The following LRP5 variants were observed in gnomAD, a reference collection of about 807,000 sequenced individuals.
LRP5 encodes LDL receptor related protein 5.
A neutral mutation model predicts 154.1 loss-of-function variants in LRP5; 62 were observed. That is an observed-to-expected ratio of 0.40 (90% confidence interval 0.33 to 0.50). The LOEUF is 0.50. LRP5 is among the 20% of genes least tolerant of loss of function. LRP5 has a pLI of 0.55. For synonymous variants in LRP5, 966 were observed against 1,011.5 expected (o/e 0.96, Z 0.85); for missense variants, 1,915 against 2,336.7 (o/e 0.82, Z 3.72).
At position 68,425,145 on chromosome 11, in the gene LRP5, G is replaced by A. The variant is rs1433868957; in HGVS notation, c.3280G>A (p.Glu1094Lys). 9 of 1,613,586 alleles carry A rather than the reference G, an allele frequency of 5.6e-6. No homozygotes were observed. The highest frequency in any genetic ancestry group is 1.3e-5 in the African/African-American group (1 of 74,900). Residue 1094 changes from glutamate (E) to lysine (K), a missense_variant, in exon 15 of 23, where the codon GAA becomes AAA. Glu to Lys is a moderately conservative substitution (Grantham distance 56). Transcript: ENST00000294304. ...CATGCAGGACCGGGCAGCCAAGATC[G>A]AACGCGCAGCCCTGGACGGCACCGA... ...TNMQDRAAKI[E>K]RAALDGTERE... is the part of the protein sequence containing the mutation.
rs1464009487 is a variant in LRP5, at chr11:68,425,149, G to A, written c.3284G>A (p.Arg1095His). Residue 1095 changes from arginine to histidine, a missense_variant, in exon 15 of 23, where the codon CGC becomes CAC. Around this residue, in one of 3 missense-constraint regions of LRP5, gnomAD observed 1,094 missense variants for 1,210.1 expected, o/e 0.90. Transcript: ENST00000294304. The stretch of plus-strand genomic sequence containing the variant: ...CAGGACCGGGCAGCCAAGATCGAAC[G>A]CGCAGCCCTGGACGGCACCGAGCGC... ...NMQDRAAKIE[R>H]AALDGTEREV... The A allele has an allele frequency of 3.7e-6, 6 of 1,613,792 alleles. No homozygotes were observed. Among genetic ancestry groups the A allele is most frequent in the South Asian group, 1.1e-5 (1 of 91,080 alleles).
intron 5 of LRP5, among the ~76,000 whole-genome samples, chr11:68,382,492 CTA>C (rs1320107776): frequency 6.6e-6 from 1 of 152,188 alleles, no homozygotes; most frequent in East Asian, 1.9e-4. Context: ...CAGTTCGTGG[CTA>C]TGTGTTCACG....
upstream of LRP5, among the ~76,000 whole-genome samples, chr11:68,309,258 A>T (rs1255250531): frequency 3.6e-5 from 5 of 139,464 alleles, no homozygotes; most frequent in Non-Finnish European, 7.6e-5. Context: ...TTAGAGACGG[A>T]GTCTTGCTCT....
At chr11:68,322,380 CCATTTATCTTATGCT>C (rs2098597240) in intron 1 of LRP5, among the ~76,000 whole-genome samples, 1 of 152,236 alleles carries the variant, frequency 6.6e-6, no homozygotes, top group African/African-American at 2.4e-5. Flanking sequence ...TCCCCTTTGC[CCATTTATCTTATGCT>C]CTGGCCAGAT....
chr11:68,343,070 T>C (rs1162718436), intron 1 of LRP5, among the ~76,000 whole-genome samples: 1 of 152,172 alleles, frequency 6.6e-6, no homozygotes, highest in Non-Finnish European at 1.5e-5. Context: ...ATACAGCCCA[T>C]GGGAGGCCTG....
In LRP5 at chr11:68,416,386, C is replaced by T. The variant is rs144415767; in HGVS notation, c.2886C>T (p.Asp962=). ...QKSAISRMIP[D]DQHSPDLILP... is the part of the protein sequence containing the mutation. ...CTGCCATCAGTCGGATGATCCCGGA[C>T]GACCAGCACAGCCCGGATCTCATCC... Residue 962 remains aspartate (D), a synonymous_variant, in exon 13 of 23, where the codon GAC becomes GAT. Coordinates refer to ENST00000294304, the MANE Select transcript of LRP5 (RefSeq NM_002335.4). 110 of 1,614,058 alleles carry T rather than the reference C, an allele frequency of 6.8e-5. No individual in the cohort carries two copies. Among genetic ancestry groups the T allele is most frequent in the Non-Finnish European group, 8.0e-5 (94 of 1,180,046 alleles).
chr11:68,406,192 A>G (rs1010690891), intron 8 of LRP5, among the ~76,000 whole-genome samples: 7 of 152,102 alleles, frequency 4.6e-5, no homozygotes, highest in African/African-American at 1.7e-4. Flanking sequence ...TGTTACTGAT[A>G]CCCTTGGCTG....
rs567444178 is a variant in LRP5 at position 68,401,694 on chromosome 11, A to G, written c.1585-1789A>G. On this transcript the variant is annotated intron_variant, in intron 7 of 22. Transcript: ENST00000294304. ...CCAGTCCCCTTCCCGCTCTCCTAAC[A>G]GCTTTTTTTTTTGAGACAAGATCTC... 9.4e-5 allele frequency among the ~76,000 whole-genome samples: 14 copies of G among 149,376 alleles called. No individual in the cohort carries two copies. In the East Asian group the frequency reaches 2.2e-3, roughly 23 times the overall value.
chr11:68,409,315 A>G (rs140991681), intron 9 of LRP5, among the ~76,000 whole-genome samples: 1,594 of 144,314 alleles, frequency 0.011, 13 homozygotes, highest in African/African-American at 0.027. Flanking sequence ...TTATAAGTAT[A>G]TATTTAAAAT....
chr11:68,440,912 G>A (rs2098677865), intron 21 of LRP5, among the ~76,000 whole-genome samples: 2 of 152,104 alleles, frequency 1.3e-5, no homozygotes, highest in Admixed American at 1.3e-4. Flanking sequence ...GGGATTACAG[G>A]CATGTGCCAC....
intron 1 of LRP5, among the ~76,000 whole-genome samples, chr11:68,341,805 C>G (rs2098609310): frequency 6.6e-6 from 1 of 152,316 alleles, no homozygotes; most frequent in East Asian, 1.9e-4. Context: ...CCACTTCACC[C>G]TGCACCATTT....
intron 5 of LRP5, among the ~76,000 whole-genome samples, chr11:68,385,927 T>G (rs932533959): frequency 6.6e-6 from 1 of 152,104 alleles, no homozygotes; most frequent in African/African-American, 2.4e-5. Flanking sequence ...TGCAGCCTGG[T>G]ACCCGGCGGG....
At position 68,386,773 on chromosome 11, in the gene LRP5, G is replaced by A; in HGVS notation, c.1412+61G>A. On this transcript the variant is annotated intron_variant, in intron 6 of 22. Coordinates refer to ENST00000294304, the MANE Select transcript of LRP5 (RefSeq NM_002335.4). This position sits in a 1 kb window ranked among gnomAD's most constrained non-coding sequence, Gnocchi z 7.9. The stretch of plus-strand genomic sequence containing the variant: ...CCAGGCCAAGCACAGGCGAGAGGGA[G>A]ATTGACCTGGACCTGTCATTCTGGG... The A allele has an allele frequency of 3.9e-6, 6 of 1,551,400 alleles. No individual in the cohort carries two copies. The South Asian group carries it at 5.8e-5, about 15-fold the overall frequency.
chr11:68,442,057 C>T (rs2098678482), intron 21 of LRP5, among the ~76,000 whole-genome samples: 1 of 152,232 alleles, frequency 6.6e-6, no homozygotes, highest in Admixed American at 6.5e-5. Flanking sequence ...CTATGTCCCC[C>T]CAGGGGTCAT....
chr11:68,377,008 C>T (rs940500486), intron 5 of LRP5, among the ~76,000 whole-genome samples: 9 of 152,278 alleles, frequency 5.9e-5, no homozygotes, highest in South Asian at 2.1e-4. Flanking sequence ...AGGGCTGGCG[C>T]GGTGGCTCAC....
intron 10 of LRP5, 143 bp downstream of exon 10, chr11:68,410,283 A>G: frequency 1.3e-6 from 1 of 741,820 alleles, no homozygotes; most frequent in East Asian, 2.7e-5. Flanking sequence ...GATGGTGGCC[A>G]GGACTGGTAG....
intron 1 of LRP5, among the ~76,000 whole-genome samples, chr11:68,330,891 C>T (rs1326512494): frequency 6.6e-6 from 1 of 152,212 alleles, no homozygotes; most frequent in East Asian, 1.9e-4. Context: ...GGATCTCCAC[C>T]GGTCCAGGAT....
intron 7 of LRP5, among the ~76,000 whole-genome samples, chr11:68,391,575 C>G (rs943694368): frequency 2.6e-5 from 4 of 152,170 alleles, no homozygotes; most frequent in Non-Finnish European, 5.9e-5. Context: ...TGCTTCTGAG[C>G]GGGAGGAGTC....
Position 68,365,263 on chromosome 11 carries a change from A to G in LRP5, c.884-308A>G, listed in dbSNP as rs314775. 0.68 allele frequency among the ~76,000 whole-genome samples: 72,226 copies of G among 106,578 alleles called. 19,492 individuals carry two copies. The highest frequency in any genetic ancestry group is 0.78 in the African/African-American group (29,854 of 38,190). 69.9% of individuals were successfully genotyped at this position (106,578 alleles called of 152,430 possible). On this transcript the variant is annotated intron_variant, in intron 4 of 22. Coordinates refer to ENST00000294304, the MANE Select transcript of LRP5 (RefSeq NM_002335.4). ...CTAGTCATAGGAGCTTGGTGGGAGG[A>G]AGCAGATGGGGAGATGTCACTCCAT...
Sources: allele counts gnomAD v4.1 joint callset (sites outside exome capture counted in the v4.1 genomes callset), GRCh38; gene constraint gnomAD v4.1.1; regional missense constraint gnomAD v4.1.1; non-coding constraint Gnocchi (gnomAD v3.1); transcripts MANE v1.5; gene names NCBI Gene and HGNC (gene_info 2026-07-23, HGNC 2026-07-21).